GRM3: variants seen among roughly 807,000 people sequenced by gnomAD.
GRM3 encodes metabotropic glutamate receptor 3.
Under a neutral mutation model 70.5 loss-of-function variants are expected in GRM3, and 26 were observed. That is an observed-to-expected ratio of 0.37 (90% CI 0.27 to 0.51). The LOEUF (loss-of-function observed/expected upper bound fraction) is 0.51, where lower values mean the gene tolerates loss of function less well. GRM3 is among the 20% of genes least tolerant of loss of function. The pLI is 0.93. For synonymous variants in GRM3, 443 were observed against 434.9 expected (o/e 1.02, Z -0.23); for missense variants, 859 against 1,123.8 (o/e 0.76, Z 3.37).
chr7:86,836,421 G>A (rs1420677912), intron 3 of GRM3, among the ~76,000 whole-genome samples: 1 of 152,084 alleles, frequency 6.6e-6, no homozygotes, highest in Admixed American at 6.5e-5. Flanking sequence ...TACAGCTATT[G>A]AAAATAAAGA....
chr7:86,793,520 A>C (rs1323005373), intron 3 of GRM3, among the ~76,000 whole-genome samples: 2 of 152,196 alleles, frequency 1.3e-5, no homozygotes, highest in Non-Finnish European at 2.9e-5. Flanking sequence ...GATCAAAAGC[A>C]TTTCCAAAAT....
intron 3 of GRM3, among the ~76,000 whole-genome samples, chr7:86,829,403 T>C (rs1798305520): frequency 6.6e-6 from 1 of 152,262 alleles, no homozygotes; most frequent in South Asian, 2.1e-4. Context: ...CAAGAACTTT[T>C]CTTTTGCATT....
chr7:86,794,451 G>A (rs994093207), intron 3 of GRM3, among the ~76,000 whole-genome samples: 4 of 152,186 alleles, frequency 2.6e-5, no homozygotes, highest in Admixed American at 2.6e-4. Context: ...CTATCCTAAA[G>A]TTGAGTTTAG....
At position 86,817,314 on chromosome 7, in the gene GRM3, C is replaced by T. The variant is rs1204944660; in HGVS notation, c.1325-21525C>T. ...ATTATTGAAAGTTAAGCAAAAACAC[C>T]ATTATCATCTCTGCTGTATTCAGTT... On this transcript the variant is annotated intron_variant, in intron 3 of 5. Transcript: ENST00000361669. Among the ~76,000 whole-genome samples the T allele has an allele frequency of 2.6e-5, 4 of 151,912 alleles. No individual in the cohort carries two copies. The East Asian group carries it at 7.8e-4, about 29-fold the overall frequency.
In GRM3 at chr7:86,730,351, C is replaced by T. The variant is rs536353989; in HGVS notation, c.-140-34655C>T. On this transcript the variant is annotated intron_variant, in intron 1 of 5. Coordinates refer to ENST00000361669, the MANE Select transcript of GRM3 (RefSeq NM_000840.3). ...AGGAGAATCACTTGTAACCGGGAGGCGGAGGTTGCAGTGAGCCAAGATCGT... is the reference window on the plus strand; with the variant it reads ...AGGAGAATCACTTGTAACCGGGAGGTGGAGGTTGCAGTGAGCCAAGATCGT... 1.9e-4 allele frequency among the ~76,000 whole-genome samples: 29 copies of T among 151,864 alleles called. 1 individual carries two copies. Among genetic ancestry groups the T allele is most frequent in the African/African-American group, 7.0e-4 (29 of 41,400 alleles).
intron 3 of GRM3, among the ~76,000 whole-genome samples, chr7:86,837,814 A>T (rs1391661788): frequency 1.3e-5 from 2 of 152,246 alleles, no homozygotes; most frequent in African/African-American, 2.4e-5. Context: ...AGGCAAGCCT[A>T]CCATGAGTAA....
intron 4 of GRM3, among the ~76,000 whole-genome samples, chr7:86,842,663 A>G (rs527603794): frequency 2.0e-5 from 3 of 152,204 alleles, no homozygotes; most frequent in East Asian, 1.9e-4. Context: ...AACAAGGTTT[A>G]TATCTCAGTA....
intron 3 of GRM3, among the ~76,000 whole-genome samples, chr7:86,801,128 T>C (rs112275648): frequency 0.054 from 7,662 of 142,776 alleles, 654 homozygotes; most frequent in African/African-American, 0.19. Flanking sequence ...TGGAGTGCAG[T>C]GGCATGATCT....
intron 3 of GRM3, among the ~76,000 whole-genome samples, chr7:86,809,857 AAAATTCTT>A (rs1173852799): frequency 9.2e-5 from 14 of 152,160 alleles, no homozygotes; most frequent in African/African-American, 3.4e-4. Context: ...TTAAAAAGAA[AAAATTCTT>A]TCACATACAG....
intron 1 of GRM3, among the ~76,000 whole-genome samples, chr7:86,661,316 T>G (rs1793888128): frequency 6.6e-6 from 1 of 152,010 alleles, no homozygotes; most frequent in African/African-American, 2.4e-5. Context: ...TCTTCACACA[T>G]GTAAAAATGT....
chr7:86,662,960 C>T (rs1027805883), intron 1 of GRM3, among the ~76,000 whole-genome samples: 1 of 151,792 alleles, frequency 6.6e-6, no homozygotes, highest in Non-Finnish European at 1.5e-5. Context: ...TAAAGCAGCA[C>T]ATTAAATTTA....
At chr7:86,767,079 G>A (rs1268538671) in intron 2 of GRM3, among the ~76,000 whole-genome samples, 1 of 151,864 alleles carries the variant, frequency 6.6e-6, no homozygotes, top group Non-Finnish European at 1.5e-5. Context: ...GGGCATAGTG[G>A]GACACACCTG....
At chr7:86,826,705 C>G (rs1032088423) in intron 3 of GRM3, among the ~76,000 whole-genome samples, 5 of 152,102 alleles carry the variant, frequency 3.3e-5, no homozygotes, top group African/African-American at 9.7e-5. Context: ...TGTAGAAATA[C>G]AAATATTTAT....
At chr7:86,766,417 A>G (rs1489426382) in intron 2 of GRM3, among the ~76,000 whole-genome samples, 2 of 152,138 alleles carry the variant, frequency 1.3e-5, no homozygotes, top group African/African-American at 4.8e-5. Context: ...CATAACTTAA[A>G]CTAAATATAA....
intron 5 of GRM3, among the ~76,000 whole-genome samples, chr7:86,857,763 A>G (rs1419196567): frequency 6.6e-6 from 1 of 152,174 alleles, no homozygotes; most frequent in African/African-American, 2.4e-5. Flanking sequence ...ACATATTTTG[A>G]TAGAAAAGAG....
chr7:86,790,810 T>A (rs13230421), intron 3 of GRM3, among the ~76,000 whole-genome samples: 13,489 of 152,136 alleles, frequency 0.089, 703 homozygotes, highest in Middle Eastern at 0.14. Flanking sequence ...CATGTAAATG[T>A]TATCTTCTCA....
chr7:86,659,983 C>T (rs970737258), intron 1 of GRM3, among the ~76,000 whole-genome samples: 8 of 151,892 alleles, frequency 5.3e-5, no homozygotes, highest in Non-Finnish European at 8.8e-5. Flanking sequence ...ATGATTGACA[C>T]GTTGGTGAAA....
At chr7:86,718,547 A>G (rs1795377132) in intron 1 of GRM3, among the ~76,000 whole-genome samples, 1 of 151,882 alleles carries the variant, frequency 6.6e-6, no homozygotes, top group African/African-American at 2.4e-5. Context: ...CTGGTTTGCT[A>G]GGGGAGGATA....
At chr7:86,807,734 T>A (rs1489929337) in intron 3 of GRM3, among the ~76,000 whole-genome samples, 2 of 152,198 alleles carry the variant, frequency 1.3e-5, no homozygotes, top group South Asian at 4.1e-4. Context: ...GAGTACCCTT[T>A]ATTTCTTTCT....
Sources: gnomAD v4.1 joint callset for allele counts (sites outside exome capture counted in the v4.1 genomes callset) on GRCh38, gnomAD v4.1.1 for gene constraint, MANE v1.5 for transcripts, NCBI Gene and HGNC (gene_info 2026-07-23, HGNC 2026-07-21) for gene names.